The following TRIM25 variants were observed in gnomAD, a reference collection of about 807,000 sequenced individuals.
The protein encoded by TRIM25 is tripartite motif containing 25.
TRIM25 carries 45 observed loss-of-function variants against 65.2 expected under a neutral mutation model. The observed-to-expected ratio is 0.69, with a 90% CI of 0.54 to 0.89. The LOEUF is 0.89. TRIM25 is among the 40% of genes least tolerant of loss of function. The pLI, the probability that TRIM25 is intolerant of heterozygous loss-of-function variation, is 0.00. For synonymous variants in TRIM25, 321 were observed against 340.4 expected, an observed-to-expected ratio of 0.94 and a Z score of 0.63; for missense variants, 714 against 803.7, an observed-to-expected ratio of 0.89 and a Z score of 1.35.
At chr17:56,912,176 G>A (rs1181747755) in intron 1 of TRIM25, 1 of 152,258 alleles carries the variant, frequency 6.6e-6, no homozygotes, top group Non-Finnish European at 1.5e-5. Context: ...CTGTGAGAAT[G>A]AAATGAAATC....
chr17:56,896,964 T>G (rs980049261), intron 5 of TRIM25, among the ~76,000 whole-genome samples: 1 of 151,986 alleles, frequency 6.6e-6, no homozygotes, highest in Non-Finnish European at 1.5e-5. Flanking sequence ...ATTGTTTTAA[T>G]TAGCCTGGCT....
rs769441201 is a variant in TRIM25, at chr17:56,913,829, G to A, written c.160C>T (p.Arg54Cys). Reference protein sequence around the residue: ...QGSPYLCPQCRAVYQARPQLH... With the variant: ...QGSPYLCPQCCAVYQARPQLH... ...TGCGGTCGCGCCTGGTAGACGGCGCGGCACTGCGGGCACAGGTATGGCGAG... is the reference window on the plus strand; with the variant it reads ...TGCGGTCGCGCCTGGTAGACGGCGCAGCACTGCGGGCACAGGTATGGCGAG... The change falls in exon 1 of 9, where the codon CGC becomes TGC. Residue 54 changes from arginine to cysteine, a missense_variant. Physicochemically the swap from Arg to Cys is radical, Grantham distance 180 (BLOSUM62 -3). Transcript: ENST00000316881. This position sits in a 1 kb window ranked among gnomAD's most constrained non-coding sequence, Gnocchi z 6.1. 32 of 1,560,798 alleles carry A rather than the reference G, an allele frequency of 2.1e-5. No homozygotes were observed. Among genetic ancestry groups the A allele is most frequent in the Non-Finnish European group, 2.4e-5 (28 of 1,152,844 alleles).
At chr17:56,895,294 A>G (rs755030210) in intron 8 of TRIM25, 49 bp downstream of exon 8, 1 of 1,477,008 alleles carries the variant, frequency 6.8e-7, no homozygotes, top group Non-Finnish European at 9.4e-7. Context: ...AGAGCGGCGC[A>G]GGAGAGACAG....
rs145330412 is a variant in TRIM25 at position 56,895,600 on chromosome 17, A to G, written c.1185T>C (p.Pro395=). ...KEEKKSKKPP[P]VPALPSKLPT... ...GAAGCTTGCTGGGTAAGGCAGGGAC[A>G]GGGGCTGGGGGTAAGGAAAGGGAAA... The change falls in exon 7 of 9, where the codon CCT becomes CCC. Residue 395 remains proline (P), a synonymous_variant. Coordinates refer to ENST00000316881, the MANE Select transcript of TRIM25 (RefSeq NM_005082.5). 1 of 1,562,142 alleles carries G rather than the reference A, an allele frequency of 6.4e-7. No homozygotes were observed. Among genetic ancestry groups the G allele is most frequent in the African/African-American group, 1.4e-5 (1 of 73,690 alleles).
Position 56,890,545 on chromosome 17 carries a change from G to A in TRIM25, c.*1155C>T. ...AATGTTCCTGTTCCCCATGAGGTTTGCTAAAAGACCCCTTTGGTGGTAGGT... is the reference window on the plus strand; with the variant it reads ...AATGTTCCTGTTCCCCATGAGGTTTACTAAAAGACCCCTTTGGTGGTAGGT... On this transcript the variant is annotated 3_prime_UTR_variant, in exon 9 of 9. Transcript: ENST00000316881. 2.2e-6 allele frequency: 1 copy of A among 453,996 alleles called. No individual in the cohort carries two copies. The highest frequency in any genetic ancestry group is 4.4e-6 in the Non-Finnish European group (1 of 226,472). 28.1% of individuals were successfully genotyped at this position (453,996 alleles called of 1,614,324 possible).
Position 56,899,136 on chromosome 17 carries a change from G to A in TRIM25, c.1132C>T (p.Arg378Cys), listed in dbSNP as rs150231506. 2.7e-5 allele frequency: 44 copies of A among 1,614,042 alleles called. No individual in the cohort carries two copies. The Admixed American group carries it at 3.0e-4, about 11-fold the overall frequency. Reference protein sequence around the residue: ...HDPASTHKSTRPVKKVSKEEK... With the variant: ...HDPASTHKSTCPVKKVSKEEK... Reference sequence around the variant, plus strand: ...TTACTGGAGACCTTCTTCACAGGGCGTGTGGATTTGTGTGTGGACGCTGGG... The same window carrying A: ...TTACTGGAGACCTTCTTCACAGGGCATGTGGATTTGTGTGTGGACGCTGGG... The change falls in exon 5 of 9, where the codon CGC becomes TGC. Residue 378 changes from arginine (R) to cysteine (C), a missense_variant. Arg to Cys is a radical substitution (Grantham distance 180). Around this residue, in one of 3 missense-constraint regions of TRIM25, gnomAD observed 413 missense variants for 498.2 expected, o/e 0.83. Coordinates refer to ENST00000316881, the MANE Select transcript of TRIM25 (RefSeq NM_005082.5).
rs1310632483 is a variant in TRIM25 at position 56,913,495 on chromosome 17, T to A, written c.494A>T (p.Glu165Val). ...RKCSQHNRLR[E>V]FFCPEHSECI... ...CTCGCTGTGCTCGGGGCAGAAAAAT[T>A]CCCGCAGCCGATTGTGCTGGGAACA... The change falls in exon 1 of 9, where the codon GAA becomes GTA. Residue 165 changes from glutamate (E) to valine (V), a missense_variant. Around this residue, in one of 3 missense-constraint regions of TRIM25, gnomAD observed 291 missense variants for 281.8 expected, o/e 1.03. Transcript: ENST00000316881. The surrounding 1 kb of genome is among the most constrained non-coding windows in gnomAD (Gnocchi z 6.1). 1 of 1,613,470 alleles carries A rather than the reference T, an allele frequency of 6.2e-7. No homozygotes were observed. The highest frequency in any genetic ancestry group is 1.3e-5 in the African/African-American group (1 of 74,978).
chr17:56,908,714 G>T, intron 1 of TRIM25, 151 bp from the exon 2 acceptor site: 1 of 697,578 alleles, frequency 1.4e-6, no homozygotes, highest in Non-Finnish European at 2.5e-6. Flanking sequence ...AGTCTTGCCT[G>T]CTTGGAGCTT....
Position 56,890,193 on chromosome 17 carries a change from G to T in TRIM25, c.*1507C>A. 1 of 289,886 alleles carries T rather than the reference G, an allele frequency of 3.4e-6. No individual in the cohort carries two copies. The highest frequency in any genetic ancestry group is 6.5e-6 in the Non-Finnish European group (1 of 153,170). 18.0% of individuals were successfully genotyped at this position (289,886 alleles called of 1,614,324 possible). On this transcript the variant is annotated 3_prime_UTR_variant, in exon 9 of 9. Transcript: ENST00000316881. ...GGAGCTCTCCTCTAAGCAAAGCCCA[G>T]AGTTGGACTCATTTCACTATAAGAG...
At chr17:56,902,041 G>T (rs77264910) in intron 3 of TRIM25, among the ~76,000 whole-genome samples, 1 of 152,308 alleles carries the variant, frequency 6.6e-6, no homozygotes, top group African/African-American at 2.4e-5. Flanking sequence ...TATGGGAAGG[G>T]AGGGTCTTCC....
rs140004252 is a variant in TRIM25, at chr17:56,894,576, C to T, written c.1363+767G>A. Among the ~76,000 whole-genome samples the T allele has an allele frequency of 3.3e-5, 5 of 152,204 alleles. No individual in the cohort carries two copies. The East Asian group carries it at 7.7e-4, about 23-fold the overall frequency. ...GTAATTTGTATTTTTAACAAGCATT[C>T]GGGTGAAAGGGAGGCAGGAAACAGA... On this transcript the variant is annotated intron_variant, in intron 8 of 8. Transcript: ENST00000316881.
intron 8 of TRIM25, among the ~76,000 whole-genome samples, chr17:56,894,835 T>C (rs977360266): frequency 6.6e-6 from 1 of 152,092 alleles, no homozygotes; most frequent in African/African-American, 2.4e-5. Flanking sequence ...TAGATGCAGA[T>C]GCGATGTCAA....
intron 1 of TRIM25, among the ~76,000 whole-genome samples, chr17:56,911,856 T>C (rs891850039): frequency 1.1e-4 from 16 of 150,964 alleles, no homozygotes; most frequent in African/African-American, 3.9e-4. Context: ...CACCCCACTG[T>C]ACTCCAGCCT....
At position 56,889,310 on chromosome 17, in the gene TRIM25, A is replaced by G. The variant is rs1356312922; in HGVS notation, c.*2390T>C. ...AATTTCCGATACTTCCCAGTGTATC[A>G]GAGTGTTCCCCTCACACATGCTAGC... is the stretch of plus-strand genomic sequence containing the variant. On this transcript the variant is annotated 3_prime_UTR_variant, in exon 9 of 9. Transcript: ENST00000316881. 6.5e-6 allele frequency: 1 copy of G among 154,026 alleles called. No individual in the cohort carries two copies. Among genetic ancestry groups the G allele is most frequent in the Non-Finnish European group, 1.4e-5 (1 of 69,334 alleles). 9.5% of individuals were successfully genotyped at this position (154,026 alleles called of 1,614,324 possible). A position where few individuals can be genotyped will look rare whatever the true frequency, so the allele number is the denominator to read the frequency against.
rs1016485384 is a variant in TRIM25 at position 56,908,408 on chromosome 17, C to T, written c.693+60G>A. The T allele has an allele frequency of 1.9e-5, 29 of 1,529,800 alleles. No homozygotes were observed. The East Asian group carries it at 2.7e-4, about 14-fold the overall frequency. The allele number at this position is 1,529,800 out of a possible 1,614,324, so 94.8% of individuals were successfully genotyped here. ...GTCATGGTCAGAGCCACGCCCATCC[C>T]GCGTGGAAGCTGAGCGAAGCCACAG... On this transcript the variant is annotated intron_variant, in intron 2 of 8. Coordinates refer to ENST00000316881, the MANE Select transcript of TRIM25 (RefSeq NM_005082.5).
chr17:56,900,415 C>T (rs1189793414), intron 4 of TRIM25, among the ~76,000 whole-genome samples: 1 of 152,076 alleles, frequency 6.6e-6, no homozygotes, highest in Non-Finnish European at 1.5e-5. Context: ...AGCCCCTGAC[C>T]TCACAGAGAT....
At chr17:56,910,547 AG>A (rs1909606491) in intron 1 of TRIM25, among the ~76,000 whole-genome samples, 1 of 152,208 alleles carries the variant, frequency 6.6e-6, no homozygotes, top group African/African-American at 2.4e-5. Context: ...AGCTGCTCAT[AG>A]CACTACACCC....
chr17:56,902,233 C>T (rs1909427078), intron 3 of TRIM25, among the ~76,000 whole-genome samples: 1 of 152,170 alleles, frequency 6.6e-6, no homozygotes, highest in Non-Finnish European at 1.5e-5. Context: ...ACAAGGTTCC[C>T]ATTCACTCCT....
intron 8 of TRIM25, among the ~76,000 whole-genome samples, chr17:56,893,099 G>T (rs1909215606): frequency 6.6e-6 from 1 of 152,182 alleles, no homozygotes; most frequent in South Asian, 2.1e-4. Context: ...GCATGTGCTG[G>T]GATCGGGGAA....
Sources: gnomAD v4.1 joint callset for allele counts (sites outside exome capture counted in the v4.1 genomes callset) on GRCh38, gnomAD v4.1.1 for gene constraint, gnomAD v4.1.1 regional missense constraint, Gnocchi (gnomAD v3.1) non-coding constraint, MANE v1.5 for transcripts, NCBI Gene and HGNC (gene_info 2026-07-23, HGNC 2026-07-21) for gene names.